CNTN2: variants seen among roughly 807,000 people sequenced by gnomAD.
CNTN2 encodes contactin-2.
A neutral mutation model predicts 117.5 loss-of-function variants in CNTN2; 53 were observed. That is an observed-to-expected ratio of 0.45 (90% CI 0.36 to 0.57). The LOEUF (loss-of-function observed/expected upper bound fraction) is 0.57. Ranked by LOEUF, CNTN2 falls within the 20% of genes least tolerant of loss-of-function variation. The pLI, the probability that CNTN2 is intolerant of heterozygous loss-of-function variation, is 0.00. For missense variants in CNTN2, 1,106 were observed against 1,404.3 expected, an observed-to-expected ratio of 0.79 and a Z score of 3.39; for synonymous variants, 530 against 561.7, an observed-to-expected ratio of 0.94 and a Z score of 0.80.
At chr1:205,063,399 G>C (rs1366237646) in intron 10 of CNTN2, 1 of 152,198 alleles carries the variant, frequency 6.6e-6, no homozygotes, top group African/African-American at 2.4e-5. Flanking sequence ...AGGCAGGGGT[G>C]AGTGGATCTC....
In CNTN2 at chr1:205,065,659, C is replaced by A; in HGVS notation, c.1696-130C>A. On this transcript the variant is annotated intron_variant, in intron 13 of 22. Transcript: ENST00000331830. This position sits in a 1 kb window ranked among gnomAD's most constrained non-coding sequence, Gnocchi z 4.1. ...TCCTCCCATTGAGCAGACAGGAAAA[C>A]TGAGATCCAGTGGGGTCCATGGATG... 2 of 1,149,222 alleles carry A rather than the reference C, an allele frequency of 1.7e-6. No individual in the cohort carries two copies. Among genetic ancestry groups the A allele is most frequent in the Non-Finnish European group, 2.5e-6 (2 of 812,196 alleles). 71.2% of individuals were successfully genotyped at this position (1,149,222 alleles called of 1,614,324 possible).
chr1:205,062,075 CTT>C lies in CNTN2; in HGVS notation c.1110+75_1110+76del, dbSNP rs377150535. 553 of 1,543,106 alleles carry C rather than the reference CTT, an allele frequency of 3.6e-4. 1 individual carries two copies. The East Asian group carries it at 0.012, about 33-fold the overall frequency. On this transcript the variant is annotated intron_variant, in intron 9 of 22. Transcript: ENST00000331830. ...ACTTGGTTCCCTCCCCCGCCCAGAA[CTT>C]CCCCTGCACCACTAGTAGCCCCTCT...
intron 16 of CNTN2, 48 bp from the exon 17 acceptor site, chr1:205,069,443 T>C: frequency 6.3e-7 from 1 of 1,593,114 alleles, no homozygotes; most frequent in Non-Finnish European, 8.6e-7. Flanking sequence ...CTTTCATTTT[T>C]TCCTTGCTCA....
rs975861982 is a variant in CNTN2 at position 205,065,295 on chromosome 1, C to T, written c.1695+33C>T. The T allele has an allele frequency of 3.7e-6, 6 of 1,611,946 alleles. No individual in the cohort carries two copies. Among genetic ancestry groups the T allele is most frequent in the Non-Finnish European group, 5.1e-6 (6 of 1,178,556 alleles). On this transcript the variant is annotated intron_variant, in intron 13 of 22. Transcript: ENST00000331830. The surrounding 1 kb of genome is among the most constrained non-coding windows in gnomAD (Gnocchi z 4.1). Reference sequence around the variant, plus strand: ...CTAGGGCCAGAGCCCCATGGCTTCTCCCTCCTTCTAGAGAGACAGGGGCCC... The same window carrying T: ...CTAGGGCCAGAGCCCCATGGCTTCTTCCTCCTTCTAGAGAGACAGGGGCCC...
At position 205,066,611 on chromosome 1, in the gene CNTN2, C is replaced by A; in HGVS notation, c.1975+12C>A. On this transcript the variant is annotated intron_variant, in intron 15 of 22. Transcript: ENST00000331830. The stretch of plus-strand genomic sequence containing the variant: ...GCAGGTTCGGACCAGTAAGTGTGAG[C>A]CCCACCTGGGTCAGTGCTGATAAGG... The A allele has an allele frequency of 1.2e-6, 2 of 1,613,218 alleles. No individual in the cohort carries two copies. The highest frequency in any genetic ancestry group is 1.7e-6 in the Non-Finnish European group (2 of 1,179,676).
chr1:205,061,775 C>T lies in CNTN2; in HGVS notation c.974-90C>T, dbSNP rs979729594. 4 of 1,451,774 alleles carry T rather than the reference C, an allele frequency of 2.8e-6. No homozygotes were observed. The highest frequency in any genetic ancestry group is 5.0e-5 in the Admixed American group (2 of 40,348). The allele number at this position is 1,451,774 out of a possible 1,614,324, so 89.9% of individuals were successfully genotyped here. ...TCATGGCGCCCTCTGCTGTCTGGCACAGGTGCTGCTGCCCTGATTTTCTGT... is the reference window on the plus strand; with the variant it reads ...TCATGGCGCCCTCTGCTGTCTGGCATAGGTGCTGCTGCCCTGATTTTCTGT... On this transcript the variant is annotated intron_variant, in intron 8 of 22. Coordinates refer to ENST00000331830, the MANE Select transcript of CNTN2 (RefSeq NM_005076.5). The surrounding 1 kb of genome is among the most constrained non-coding windows in gnomAD (Gnocchi z 4.8).
At position 205,061,455 on chromosome 1, in the gene CNTN2, G is replaced by A. The variant is rs527888702; in HGVS notation, c.973+35G>A. On this transcript the variant is annotated intron_variant, in intron 8 of 22. Coordinates refer to ENST00000331830, the MANE Select transcript of CNTN2 (RefSeq NM_005076.5). This position sits in a 1 kb window ranked among gnomAD's most constrained non-coding sequence, Gnocchi z 4.8. ...CAGGGACACCTTCTCCGCCCCTCCC[G>A]ACCCCCCTTCCCGCCTTCACCCTTG... 3.8e-5 allele frequency: 59 copies of A among 1,537,060 alleles called. No individual in the cohort carries two copies. In the South Asian group the frequency reaches 3.9e-4, roughly 10 times the overall value.
At position 205,058,183 on chromosome 1, in the gene CNTN2, G is replaced by A; in HGVS notation, c.218G>A (p.Trp73Ter). The change falls in exon 4 of 23, where the codon TGG becomes TAG. Residue 73 changes from tryptophan (W) to a stop codon, truncating the protein, a stop_gained and splice_region_variant. Transcript: ENST00000331830. LOFTEE classifies it high-confidence loss of function. This position sits in a 1 kb window ranked among gnomAD's most constrained non-coding sequence, Gnocchi z 4.3. ...ARASPPATYR[W>*]KMNGTEMKLE... ...CCTTCCTCTGTCCCCTGCTGCAGGTGGAAGATGAATGGTACCGAGATGAAG... is the reference window on the plus strand; with the variant it reads ...CCTTCCTCTGTCCCCTGCTGCAGGTAGAAGATGAATGGTACCGAGATGAAG... The A allele has an allele frequency of 1.9e-6, 3 of 1,589,536 alleles. No individual in the cohort carries two copies. Among genetic ancestry groups the A allele is most frequent in the Non-Finnish European group, 2.6e-6 (3 of 1,168,328 alleles).
rs1187070324 is a variant in CNTN2 at position 205,062,202 on chromosome 1, T to A, written c.1110+201T>A. ...GGCTAGGCCTGGATCCAGGCACAGTTCAGCCACAAAAGAAGTGATGTGGTC... is the reference window on the plus strand; with the variant it reads ...GGCTAGGCCTGGATCCAGGCACAGTACAGCCACAAAAGAAGTGATGTGGTC... On this transcript the variant is annotated intron_variant, in intron 9 of 22. Transcript: ENST00000331830. The A allele has an allele frequency of 1.1e-5, 9 of 842,094 alleles. No homozygotes were observed. The East Asian group carries it at 2.2e-4, about 21-fold the overall frequency. 52.2% of individuals were successfully genotyped at this position (842,094 alleles called of 1,614,324 possible).
chr1:205,057,935 C>G lies in CNTN2; in HGVS notation c.85C>G (p.Leu29Val), dbSNP rs756920444. The G allele has an allele frequency of 8.7e-6, 14 of 1,613,972 alleles. 1 individual carries two copies. The South Asian group carries it at 1.5e-4, about 18-fold the overall frequency. Residue 29 changes from leucine to valine, a missense_variant, in exon 3 of 23, where the codon CTG becomes GTG. Leu to Val is a conservative substitution (Grantham distance 32). Transcript: ENST00000331830. ...LVSSSAWSSALGSQTTFGPVF... is the reference protein window; with the variant it reads ...LVSSSAWSSAVGSQTTFGPVF... ...ATCACCTGCAGCTTGGAGTTCAGCC[C>G]TGGGATCCCAAACCACCTTCGGGCC...
Position 205,061,345 on chromosome 1 carries a change from G to A in CNTN2, c.898G>A (p.Asp300Asn). 3 of 1,614,024 alleles carry A rather than the reference G, an allele frequency of 1.9e-6. No homozygotes were observed. Among genetic ancestry groups the A allele is most frequent in the Non-Finnish European group, 2.5e-6 (3 of 1,179,942 alleles). ...GCAGATCCCCAGCGTCAGCTTTGAG[G>A]ATGAGGGCACCTACGAGTGTGAGGC... The part of the protein sequence containing the change: ...TLQIPSVSFE[D>N]EGTYECEAEN... The change falls in exon 8 of 23, where the codon GAT (aspartate) becomes AAT (asparagine). Residue 300 changes from aspartate (D) to asparagine (N), a missense_variant. Asp to Asn is a conservative substitution (Grantham distance 23). Transcript: ENST00000331830. This position sits in a 1 kb window ranked among gnomAD's most constrained non-coding sequence, Gnocchi z 4.8.
intron 1 of CNTN2, among the ~76,000 whole-genome samples, chr1:205,046,695 C>T (rs1457267866): frequency 1.3e-5 from 2 of 152,188 alleles, no homozygotes; most frequent in African/African-American, 2.4e-5. Context: ...TGCTAATGCA[C>T]GAGGAAATTT....
At position 205,067,330 on chromosome 1, in the gene CNTN2, G is replaced by A. The variant is rs372629996; in HGVS notation, c.2125+80G>A. The A allele has an allele frequency of 1.5e-5, 22 of 1,511,718 alleles. 1 individual carries two copies. The African/African-American group carries it at 1.5e-4, about 10-fold the overall frequency. The allele number at this position is 1,511,718 out of a possible 1,614,324, so 93.6% of individuals were successfully genotyped here. ...ACTTATAGGGAATGCCAAGCCAGCC[G>A]CAATTATGCTGAGTTCCAACCCTGC... On this transcript the variant is annotated intron_variant, in intron 16 of 22. Coordinates refer to ENST00000331830, the MANE Select transcript of CNTN2 (RefSeq NM_005076.5).
In CNTN2 at chr1:205,070,052, G is replaced by A. The variant is rs1430896760; in HGVS notation, c.2422G>A (p.Ala808Thr). 1 of 1,613,642 alleles carries A rather than the reference G, an allele frequency of 6.2e-7. No individual in the cohort carries two copies. The change falls in exon 18 of 23, where the codon GCT becomes ACT. Residue 808 changes from alanine to threonine, a missense_variant. Ala to Thr is a moderately conservative substitution (Grantham distance 58, BLOSUM62 0). Transcript: ENST00000331830. ...GAGCCTCACTGCACTCGTGTACTCA[G>A]CTGAGGAAGGTGGGCTGCCCCTGGG... ...PESLTALVYSAEEEPRVAPTK... is the reference protein window; with the variant it reads ...PESLTALVYSTEEEPRVAPTK...
chr1:205,061,964 T>A lies in CNTN2; in HGVS notation c.1073T>A (p.Val358Glu). 1 of 1,613,012 alleles carries A rather than the reference T, an allele frequency of 6.2e-7. No individual in the cohort carries two copies. The highest frequency in any genetic ancestry group is 8.5e-7 in the Non-Finnish European group (1 of 1,179,606). Residue 358 changes from valine to glutamate, a missense_variant, in exon 9 of 23, where the codon GTG (valine) becomes GAG (glutamate). Coordinates refer to ENST00000331830, the MANE Select transcript of CNTN2 (RefSeq NM_005076.5). This position sits in a 1 kb window ranked among gnomAD's most constrained non-coding sequence, Gnocchi z 4.8. ...GCCGCCGGCAAGCCCCGGCCTACAG[T>A]GCGCTGGCTGCGGAACGGGGAGCCT... ...CAAAGKPRPT[V>E]RWLRNGEPLA...
In CNTN2 at chr1:205,076,115, C is replaced by T. The variant is rs1654851990; in HGVS notation, c.*2350C>T. Reference sequence around the variant, plus strand: ...GTAAGTACCTTAATGCTAATGAGGTCCACTAAAAAGGGGAGGAAGGCAGAC... The same window carrying T: ...GTAAGTACCTTAATGCTAATGAGGTTCACTAAAAAGGGGAGGAAGGCAGAC... On this transcript the variant is annotated 3_prime_UTR_variant, in exon 23 of 23. Coordinates refer to ENST00000331830, the MANE Select transcript of CNTN2 (RefSeq NM_005076.5). 1 of 152,134 alleles carries T rather than the reference C, an allele frequency of 6.6e-6. No individual in the cohort carries two copies. The highest frequency in any genetic ancestry group is 6.6e-5 in the Admixed American group (1 of 15,256). The allele number at this position is 152,134 out of a possible 1,614,324, so 9.4% of individuals were successfully genotyped here. A position where few individuals can be genotyped will look rare whatever the true frequency, so the allele number is the denominator to read the frequency against.
chr1:205,058,683 C>T lies in CNTN2; in HGVS notation c.487+20C>T, dbSNP rs201600070. On this transcript the variant is annotated intron_variant, in intron 5 of 22. Coordinates refer to ENST00000331830, the MANE Select transcript of CNTN2 (RefSeq NM_005076.5). The surrounding 1 kb of genome is among the most constrained non-coding windows in gnomAD (Gnocchi z 4.3). Reference sequence around the variant, plus strand: ...ACCCAGGTGAGTCCAGACCTGGGGCCAGGGTTAGAGAGGGCACAGGAAGGG... The same window carrying T: ...ACCCAGGTGAGTCCAGACCTGGGGCTAGGGTTAGAGAGGGCACAGGAAGGG... The T allele has an allele frequency of 8.1e-6, 13 of 1,596,864 alleles. No individual in the cohort carries two copies. The South Asian group carries it at 1.2e-4, about 15-fold the overall frequency.
Position 205,048,371 on chromosome 1 carries a change from C to A in CNTN2, c.-86-4729C>A, listed in dbSNP as rs948762946. ...TCATAGCCTTCTGTCCCCCAGCTGT[C>A]CCCCAGGCCCTTTGTTTCCTGGGAC... On this transcript the variant is annotated intron_variant, in intron 1 of 22. Transcript: ENST00000331830. The surrounding 1 kb of genome is among the most constrained non-coding windows in gnomAD (Gnocchi z 4.1). 1.3e-5 allele frequency among the ~76,000 whole-genome samples: 2 copies of A among 152,120 alleles called. No individual in the cohort carries two copies. The highest frequency in any genetic ancestry group is 1.3e-4 in the Admixed American group (2 of 15,280).
chr1:205,055,925 T>C (rs1558539450), intron 2 of CNTN2, among the ~76,000 whole-genome samples: 4 of 152,198 alleles, frequency 2.6e-5, no homozygotes, highest in Admixed American at 2.6e-4. Flanking sequence ...GCATGGATTA[T>C]ATATAAAAGT....
Sources: gnomAD v4.1 joint callset for allele counts (sites outside exome capture counted in the v4.1 genomes callset) on GRCh38, gnomAD v4.1.1 for gene constraint, Gnocchi (gnomAD v3.1) non-coding constraint, MANE v1.5 for transcripts, NCBI Gene and HGNC (gene_info 2026-07-23, HGNC 2026-07-21) for gene names.